WDR26: variants seen among roughly 807,000 people sequenced by gnomAD.
WDR26 encodes the protein WD repeat domain 26, also known as WD repeat-containing protein 26.
In WDR26, 5 loss-of-function variants were observed where a neutral mutation model predicts 84.1. The ratio of observed to expected loss-of-function variants is 0.06; its 90% CI spans 0.03 to 0.13. WDR26 has a LOEUF of 0.13. WDR26 is among the 10% of genes least tolerant of loss of function. The probability of loss-of-function intolerance (pLI) is 1.00; values close to 1 mark genes in which losing one functional copy is unlikely to be tolerated. For missense variants in WDR26, 642 were observed against 974.9 expected (o/e 0.66, Z 4.55); for synonymous variants, 415 against 389.6 (o/e 1.07, Z -0.77).
chr1:224,415,137 T>C (rs916932453), intron 6 of WDR26, among the ~76,000 whole-genome samples: 5 of 152,246 alleles, frequency 3.3e-5, no homozygotes. Context: ...ATTCTCTTAG[T>C]GACTTTAAAA....
intron 8 of WDR26, among the ~76,000 whole-genome samples, chr1:224,401,690 G>GAA (rs67543360): frequency 1.2e-5 from 1 of 84,050 alleles, no homozygotes; most frequent in Non-Finnish European, 2.4e-5. Flanking sequence ...AAAAAAAAAA[G>GAA]AAAAAAAAAA....
At chr1:224,425,517 TTTTGAC>T (rs1674184587) in intron 3 of WDR26, among the ~76,000 whole-genome samples, 1 of 152,236 alleles carries the variant, frequency 6.6e-6, no homozygotes, top group African/African-American at 2.4e-5. Flanking sequence ...TGAACTGTGT[TTTTGAC>T]TTTAATACTT....
Position 224,434,305 on chromosome 1 carries a change from G to T in WDR26, c.101C>A (p.Ser34Ter). The T allele has an allele frequency of 8.1e-7, 1 of 1,233,386 alleles. No individual in the cohort carries two copies. The highest frequency in any genetic ancestry group is 1.0e-6 in the Non-Finnish European group (1 of 989,058). The allele number at this position is 1,233,386 out of a possible 1,614,324, so 76.4% of individuals were successfully genotyped here. A position where few individuals can be genotyped will look rare whatever the true frequency, so the allele number is the denominator to read the frequency against. The change falls in exon 1 of 14, where the codon TCG becomes TAG. Residue 34 changes from serine to a stop codon, truncating the protein, a stop_gained. Coordinates refer to ENST00000414423, the MANE Select transcript of WDR26 (RefSeq NM_001379403.1). LOFTEE classifies it high-confidence loss of function. ...GGGCTCTCCTACTCCCTCCGCCGCC[G>T]AGGCTCGGGGTTTCTTCCGCGGGGG...
At chr1:224,424,391 G>T in intron 4 of WDR26, 127 bp downstream of exon 4, 2 of 1,235,850 alleles carry the variant, frequency 1.6e-6, no homozygotes, top group Non-Finnish European at 1.1e-6. Flanking sequence ...ATCCACACAG[G>T]AGTGAGTTTA....
intron 6 of WDR26, among the ~76,000 whole-genome samples, chr1:224,412,471 GGAAGA>G (rs1233779416): frequency 2.0e-5 from 3 of 152,158 alleles, no homozygotes; most frequent in Non-Finnish European, 2.9e-5. Context: ...TGAAATAAGA[GGAAGA>G]GAAAATGACT....
chr1:224,386,095 A>G lies in WDR26; in HGVS notation c.*3740T>C, dbSNP rs372513787. On this transcript the variant is annotated 3_prime_UTR_variant, in exon 14 of 14. Coordinates refer to ENST00000414423, the MANE Select transcript of WDR26 (RefSeq NM_001379403.1). ...TTTTTGTAACTATAGGGCAGCTACT[A>G]TAACAATAGCTTAACAACACTGAAA... is the stretch of plus-strand genomic sequence containing the variant. 4 of 152,626 alleles carry G rather than the reference A, an allele frequency of 2.6e-5. 1 individual carries two copies. The South Asian group carries it at 6.2e-4, about 24-fold the overall frequency. The allele number at this position is 152,626 out of a possible 1,614,324, so 9.5% of individuals were successfully genotyped here. A position where few individuals can be genotyped will look rare whatever the true frequency, so the allele number is the denominator to read the frequency against.
In WDR26 at chr1:224,433,825, G is replaced by A; in HGVS notation, c.581C>T (p.Ala194Val). ...GGAGGCGGCGGTGGTGGCGGAGGCA[G>A]CTGCGACGGTGGCTGAGGATGCGGC... is the stretch of plus-strand genomic sequence containing the variant. Residue 194 changes from alanine (A) to valine (V), a missense_variant, in exon 1 of 14, where the codon GCT (alanine) becomes GTT (valine). Ala to Val is a moderately conservative substitution (Grantham distance 64, BLOSUM62 0). This residue lies in a region of WDR26 where 291 missense variants were observed against 302.1 expected (regional missense o/e 0.96). Transcript: ENST00000414423. 1 of 1,536,934 alleles carries A rather than the reference G, an allele frequency of 6.5e-7. No individual in the cohort carries two copies. Among genetic ancestry groups the A allele is most frequent in the Non-Finnish European group, 8.7e-7 (1 of 1,146,796 alleles).
intron 3 of WDR26, among the ~76,000 whole-genome samples, chr1:224,425,248 G>A (rs34381960): frequency 0.063 from 9,587 of 152,272 alleles, 435 homozygotes; most frequent in Middle Eastern, 0.1. Flanking sequence ...GCAAAGTATT[G>A]AATTTCCTAC....
chr1:224,401,616 G>C (rs1477857118), intron 8 of WDR26, among the ~76,000 whole-genome samples: 1 of 125,002 alleles, frequency 8.0e-6, no homozygotes, highest in Non-Finnish European at 1.6e-5. Flanking sequence ...GGAGGTTGCA[G>C]TGAGCTGAGA....
At position 224,389,728 on chromosome 1, in the gene WDR26, G is replaced by T; in HGVS notation, c.*107C>A. On this transcript the variant is annotated 3_prime_UTR_variant, in exon 14 of 14. Transcript: ENST00000414423. ...TCAGAAATGGTTCTTTTTTCATGACGAGCATGTCTGTCCAGCTATCAATCA... is the reference window on the plus strand; with the variant it reads ...TCAGAAATGGTTCTTTTTTCATGACTAGCATGTCTGTCCAGCTATCAATCA... 1 of 1,160,068 alleles carries T rather than the reference G, an allele frequency of 8.6e-7. No homozygotes were observed. Among genetic ancestry groups the T allele is most frequent in the Non-Finnish European group, 1.3e-6 (1 of 779,096 alleles). 71.9% of individuals were successfully genotyped at this position (1,160,068 alleles called of 1,614,324 possible). A position where few individuals can be genotyped will look rare whatever the true frequency, so the allele number is the denominator to read the frequency against.
intron 4 of WDR26, among the ~76,000 whole-genome samples, chr1:224,422,459 T>C (rs1674091327): frequency 6.6e-6 from 1 of 152,200 alleles, no homozygotes; most frequent in African/African-American, 2.4e-5. Context: ...CTCACGCCTA[T>C]AATCCCAGCA....
At chr1:224,425,464 A>G (rs1237958174) in intron 3 of WDR26, among the ~76,000 whole-genome samples, 1 of 152,168 alleles carries the variant, frequency 6.6e-6, no homozygotes, top group Non-Finnish European at 1.5e-5. Flanking sequence ...AAACCAATAA[A>G]CCACTTTCCA....
At chr1:224,418,509 A>G in intron 5 of WDR26, 93 bp from the exon 6 acceptor site, 3 of 1,202,596 alleles carry the variant, frequency 2.5e-6, no homozygotes, top group Non-Finnish European at 3.4e-6. Context: ...ACTTGTTCCT[A>G]CCCCAATAGT....
chr1:224,431,601 A>T lies in WDR26; in HGVS notation c.823-20T>A. 3 of 1,612,044 alleles carry T rather than the reference A, an allele frequency of 1.9e-6. No homozygotes were observed. Among genetic ancestry groups the T allele is most frequent in the Non-Finnish European group, 2.5e-6 (3 of 1,178,364 alleles). ...TTCTGCCTGTAAAAATTGGTATAAA[A>T]GAAAAACAGAAATGTCACAAAATGC... On this transcript the variant is annotated intron_variant, in intron 2 of 13. Coordinates refer to ENST00000414423, the MANE Select transcript of WDR26 (RefSeq NM_001379403.1).
At chr1:224,400,878 G>T in intron 9 of WDR26, 72 bp downstream of exon 9, 1 of 1,572,728 alleles carries the variant, frequency 6.4e-7, no homozygotes, top group Admixed American at 1.8e-5. Context: ...ACTGAGTCAA[G>T]GAAATTGTTT....
At chr1:224,418,784 A>G (rs917261075) in intron 5 of WDR26, among the ~76,000 whole-genome samples, 1 of 152,238 alleles carries the variant, frequency 6.6e-6, no homozygotes, top group Non-Finnish European at 1.5e-5. Context: ...CTTAACAAAT[A>G]GCAAAATTTT....
intron 9 of WDR26, among the ~76,000 whole-genome samples, chr1:224,400,608 C>T (rs565514349): frequency 3.9e-5 from 6 of 152,224 alleles, no homozygotes; most frequent in East Asian, 1.9e-4. Context: ...TGCAATGGCG[C>T]GATCTTGGCC....
At chr1:224,422,560 A>G (rs1305399787) in intron 4 of WDR26, among the ~76,000 whole-genome samples, 1 of 152,184 alleles carries the variant, frequency 6.6e-6, no homozygotes, top group African/African-American at 2.4e-5. Context: ...TACTAAAAAT[A>G]CAAAATTAGC....
intron 6 of WDR26, among the ~76,000 whole-genome samples, chr1:224,417,865 C>T (rs1558436186): frequency 6.6e-6 from 1 of 151,972 alleles, no homozygotes; most frequent in Admixed American, 6.6e-5. Flanking sequence ...TAAAAAAAAC[C>T]CAAACCATAA....
Sources: allele counts gnomAD v4.1 joint callset (sites outside exome capture counted in the v4.1 genomes callset), GRCh38; gene constraint gnomAD v4.1.1; regional missense constraint gnomAD v4.1.1; transcripts MANE v1.5; gene names NCBI Gene and HGNC (gene_info 2026-07-23, HGNC 2026-07-21).